The following OOSP4B variants were observed in gnomAD, a reference collection of about 807,000 sequenced individuals.
OOSP4B encodes the protein oocyte-secreted protein 4B.
intron 1 of OOSP4B, among the ~76,000 whole-genome samples, chr11:60,020,308 G>T (rs1045020236): frequency 6.6e-6 from 1 of 152,182 alleles, no homozygotes; most frequent in Non-Finnish European, 1.5e-5. Context: ...TGGAGCAGGG[G>T]GCCCCCGCTT....
At chr11:60,023,908 G>T in exon 2 of OOSP4B, 1 of 398,444 alleles carries the variant, frequency 2.5e-6, no homozygotes, top group Non-Finnish European at 4.4e-6. Context: ...CTGATGATTG[G>T]TTGTTAGTCA....
intron 1 of OOSP4B, among the ~76,000 whole-genome samples, chr11:60,018,992 A>G (rs1854654905): frequency 1.3e-5 from 2 of 152,088 alleles, no homozygotes; most frequent in Admixed American, 1.3e-4. Context: ...CGAGGCAGGC[A>G]GATCACATGA....
intron 1 of OOSP4B, among the ~76,000 whole-genome samples, chr11:60,020,425 AG>A (rs138679081): frequency 0.13 from 20,248 of 152,206 alleles, 1,480 homozygotes; most frequent in South Asian, 0.27. Context: ...GATAAGGCCT[AG>A]CGAGAAGTCG....
intron 3 of OOSP4B, 61 bp from the exon 4 acceptor site, chr11:60,029,721 C>T (rs1854786136): frequency 2.5e-6 from 1 of 397,404 alleles, no homozygotes; most frequent in African/African-American, 2.1e-5. Context: ...ACATATTTTT[C>T]CCACAAAAAA....
chr11:60,018,863 T>C (rs564617632), intron 1 of OOSP4B, among the ~76,000 whole-genome samples: 4 of 152,254 alleles, frequency 2.6e-5, no homozygotes, highest in Admixed American at 2.0e-4. Flanking sequence ...GAGAACTAAG[T>C]GTACTTTAGT....
At chr11:60,019,767 C>T (rs1459712817) in intron 1 of OOSP4B, among the ~76,000 whole-genome samples, 2 of 152,174 alleles carry the variant, frequency 1.3e-5, no homozygotes, top group Non-Finnish European at 2.9e-5. Context: ...AAAGCTTCCA[C>T]AGTTTGGAAG....
At chr11:60,021,984 C>CAAAAAAA (rs34383931) in intron 1 of OOSP4B, 2 of 81,846 alleles carry the variant, frequency 2.4e-5, no homozygotes, top group African/African-American at 4.9e-5. Flanking sequence ...ACTCTATCTC[C>CAAAAAAA]AAAAAAAAAA....
intron 1 of OOSP4B, chr11:60,022,395 T>C (rs1377009173): frequency 1.3e-5 from 2 of 152,244 alleles, no homozygotes; most frequent in African/African-American, 2.4e-5. Context: ...ACTATCAGTA[T>C]CTATCAACTT....
chr11:60,029,051 G>A lies in OOSP4B; in HGVS notation c.303-731G>A, dbSNP rs186740118. Among the ~76,000 whole-genome samples the A allele has an allele frequency of 1.3e-3, 195 of 152,202 alleles. 2 individuals are homozygous for A. Among genetic ancestry groups the A allele is most frequent in the African/African-American group, 4.2e-3 (174 of 41,512 alleles). ...AAAGGCTATTATGCCTTATCTATTC[G>A]CAGTCCATTTTTCTCCCAGATCAAA... On this transcript the variant is annotated intron_variant, in intron 3 of 4. Coordinates refer to ENST00000642343, the Ensembl canonical transcript of OOSP4B.
At chr11:60,017,298 C>A (rs920598625) in exon 1 of OOSP4B, 9 of 398,378 alleles carry the variant, frequency 2.3e-5, no homozygotes, top group Admixed American at 4.4e-5. Context: ...TAATTGCAGA[C>A]AGCTGAATGT....
At chr11:60,027,147 G>A (rs1035025018) in intron 3 of OOSP4B, among the ~76,000 whole-genome samples, 3 of 151,888 alleles carry the variant, frequency 2.0e-5, no homozygotes, top group Admixed American at 6.6e-5. Flanking sequence ...CCCCACTCCC[G>A]CCCCCACATT....
In OOSP4B at chr11:60,024,894, C is replaced by G; in HGVS notation, c.205-14C>G. 3 of 398,274 alleles carry G rather than the reference C, an allele frequency of 7.5e-6. No homozygotes were observed. Among genetic ancestry groups the G allele is most frequent in the Non-Finnish European group, 8.9e-6 (2 of 225,908 alleles). 24.7% of individuals were successfully genotyped at this position (398,274 alleles called of 1,614,324 possible). A position where few individuals can be genotyped will look rare whatever the true frequency, so the allele number is the denominator to read the frequency against. ...TTTAATGCCTTCTAGTATTAAAACTCTCAATTGTTTCAGATGTTCCAAACA... is the reference window on the plus strand; with the variant it reads ...TTTAATGCCTTCTAGTATTAAAACTGTCAATTGTTTCAGATGTTCCAAACA... On this transcript the variant is annotated splice_polypyrimidine_tract_variant and intron_variant, in intron 2 of 4. Coordinates refer to ENST00000642343, the Ensembl canonical transcript of OOSP4B.
At chr11:60,028,156 G>A (rs2439693) in intron 3 of OOSP4B, among the ~76,000 whole-genome samples, 50,112 of 150,568 alleles carry the variant, frequency 0.33, 8,907 homozygotes, top group East Asian at 0.52. Context: ...AAGTAGTTTC[G>A]TAGTCACTGT....
chr11:60,022,755 T>C (rs572788434), intron 1 of OOSP4B, among the ~76,000 whole-genome samples: 43 of 152,178 alleles, frequency 2.8e-4, no homozygotes, highest in Admixed American at 6.5e-4. Flanking sequence ...TTTTTTTTTT[T>C]CCCCTAGGGG....
At chr11:60,017,314 A>G in exon 1 of OOSP4B, 1 of 398,622 alleles carries the variant, frequency 2.5e-6, no homozygotes, top group East Asian at 3.6e-5. Context: ...AATGTGGCCA[A>G]AGGTTTATAA....
intron 1 of OOSP4B, among the ~76,000 whole-genome samples, chr11:60,020,614 G>C (rs1004611204): frequency 6.6e-6 from 1 of 152,224 alleles, no homozygotes; most frequent in East Asian, 1.9e-4. Context: ...ACACCTCCCC[G>C]CAAGCTGAGG....
intron 1 of OOSP4B, among the ~76,000 whole-genome samples, chr11:60,020,447 C>T (rs1206606551): frequency 1.3e-5 from 2 of 152,336 alleles, no homozygotes; most frequent in Non-Finnish European, 2.9e-5. Context: ...AGCACAGCAG[C>T]TGCTGGTCCA....
At chr11:60,023,607 G>A (rs1854716241) in intron 1 of OOSP4B, among the ~76,000 whole-genome samples, 1 of 151,970 alleles carries the variant, frequency 6.6e-6, no homozygotes, top group Non-Finnish European at 1.5e-5. Context: ...GATAATTTTT[G>A]CATTTTTAGT....
chr11:60,019,914 G>A (rs934401455), intron 1 of OOSP4B, among the ~76,000 whole-genome samples: 9 of 152,082 alleles, frequency 5.9e-5, no homozygotes, highest in Non-Finnish European at 7.4e-5. Context: ...TGATTGGTGC[G>A]TTTACAATCC....
Sources: allele counts gnomAD v4.1 joint callset (sites outside exome capture counted in the v4.1 genomes callset), GRCh38; gene constraint gnomAD v4.1.1; transcripts MANE v1.5; gene names NCBI Gene and HGNC (gene_info 2026-07-23, HGNC 2026-07-21).